The following KMT2C variants were observed in gnomAD, a reference collection of about 807,000 sequenced individuals.
KMT2C encodes histone-lysine N-methyltransferase 2C.
In KMT2C, 88 loss-of-function variants were observed where a neutral mutation model predicts 507.9. The observed-to-expected ratio is 0.17, with a 90% CI of 0.15 to 0.21. The LOEUF (loss-of-function observed/expected upper bound fraction) is 0.21, where lower values mean the gene tolerates loss of function less well. Among genes scored for constraint, KMT2C ranks in the 10% least tolerant of loss-of-function variants. The pLI is 1.00. For missense variants in KMT2C, 4,954 were observed against 5,957.8 expected (o/e 0.83, Z 5.55); for synonymous variants, 2,049 against 2,080.8 (o/e 0.98, Z 0.42).
At chr7:152,285,488 T>C (rs1379575781) in intron 6 of KMT2C, among the ~76,000 whole-genome samples, 2 of 152,270 alleles carry the variant, frequency 1.3e-5, no homozygotes, top group African/African-American at 2.4e-5. Flanking sequence ...AAACAATGGC[T>C]CTCACACATA....
chr7:152,216,067 C>A (rs1321014665), intron 23 of KMT2C, among the ~76,000 whole-genome samples: 3 of 152,160 alleles, frequency 2.0e-5, no homozygotes, highest in Non-Finnish European at 4.4e-5. Context: ...CAGTCTGCCC[C>A]ACCTGCTGGC....
intron 3 of KMT2C, among the ~76,000 whole-genome samples, chr7:152,327,382 A>T (rs1274020012): frequency 6.6e-6 from 1 of 152,210 alleles, no homozygotes; most frequent in Admixed American, 6.5e-5. Flanking sequence ...TGTGTCCTTA[A>T]GATCTGCAGA....
chr7:152,289,549 AACAAACC>A (rs2096370154), intron 6 of KMT2C, among the ~76,000 whole-genome samples: 1 of 152,258 alleles, frequency 6.6e-6, no homozygotes, highest in Non-Finnish European at 1.5e-5. Flanking sequence ...AAGAACAAAT[AACAAACC>A]ACAATTATTA....
At position 152,181,780 on chromosome 7, in the gene KMT2C, G is replaced by A. The variant is rs369042114; in HGVS notation, c.6080C>T (p.Ala2027Val). The A allele has an allele frequency of 2.5e-6, 4 of 1,613,988 alleles. No individual in the cohort carries two copies. Among genetic ancestry groups the A allele is most frequent in the African/African-American group, 1.3e-5 (1 of 74,912 alleles). The change falls in exon 36 of 59, where the codon GCA becomes GTA. Residue 2027 changes from alanine (A) to valine (V), a missense_variant. Physicochemically the swap from Ala to Val is moderately conservative, Grantham distance 64. Transcript: ENST00000262189. ...AGGTGCAGGTGTCAACAAGGGTCGT[G>A]CATATGAGTCAGGTATCCTTTGTCT... The part of the protein sequence containing the change: ...FQRQRIPDSY[A>V]RPLLTPAPLD...
At chr7:152,213,427 C>T (rs2094499968) in intron 23 of KMT2C, among the ~76,000 whole-genome samples, 1 of 152,056 alleles carries the variant, frequency 6.6e-6, no homozygotes, top group Non-Finnish European at 1.5e-5. Flanking sequence ...ATATTATGAG[C>T]TAATTTTTGA....
At chr7:152,158,750 A>G (rs1284680701) in intron 44 of KMT2C, 113 bp downstream of exon 44, 1 of 912,508 alleles carries the variant, frequency 1.1e-6, no homozygotes, top group Non-Finnish European at 1.8e-6. Flanking sequence ...TCATGCCTCA[A>G]GTGATCCACC....
intron 1 of KMT2C, among the ~76,000 whole-genome samples, chr7:152,383,148 G>GTA (rs1453689786): frequency 6.8e-6 from 1 of 147,702 alleles, no homozygotes; most frequent in Non-Finnish European, 1.5e-5. Context: ...GTGTGTGTGT[G>GTA]TGTATGCATG....
intron 6 of KMT2C, among the ~76,000 whole-genome samples, chr7:152,293,415 A>AT (rs2096456144): frequency 6.6e-6 from 1 of 152,240 alleles, no homozygotes. Flanking sequence ...AATTTTTGAA[A>AT]TAAAAACATT....
At chr7:152,158,760 C>G in intron 44 of KMT2C, 103 bp downstream of exon 44, 1 of 1,022,564 alleles carries the variant, frequency 9.8e-7, no homozygotes, top group South Asian at 1.4e-5. Flanking sequence ...AGTGATCCAC[C>G]TGCCTCAGCC....
At chr7:152,318,844 CACTA>C (rs2096746081) in intron 3 of KMT2C, among the ~76,000 whole-genome samples, 1 of 151,992 alleles carries the variant, frequency 6.6e-6, no homozygotes, top group South Asian at 2.1e-4. Context: ...AGATGTTACA[CACTA>C]ACAAAATGAT....
chr7:152,219,001 G>C (rs2094676744), intron 23 of KMT2C, among the ~76,000 whole-genome samples: 1 of 148,394 alleles, frequency 6.7e-6, no homozygotes, highest in South Asian at 2.1e-4. Flanking sequence ...ACAGAGTCTT[G>C]CTCTGTCACC....
chr7:152,290,282 ATATATATATATATTTTTTTTT>A (rs2096398691), intron 6 of KMT2C, among the ~76,000 whole-genome samples: 60 of 32,886 alleles, frequency 1.8e-3, no homozygotes, highest in African/African-American at 7.9e-3. Flanking sequence ...ATATATATAT[ATATATATATATATTTTTTTTT>A]TTTTTTTTTT....
In KMT2C at chr7:152,194,014, T is replaced by C. The variant is rs753232315; in HGVS notation, c.4655A>G (p.Asn1552Ser). ...PPPTQLLPIH[N>S]QDAFSRMPLM... Reference sequence around the variant, plus strand: ...ATTATAAAGTCATAACATACCCTGATTGTGTATTGGCAACAGCTGTGTTGG... The same window carrying C: ...ATTATAAAGTCATAACATACCCTGACTGTGTATTGGCAACAGCTGTGTTGG... Residue 1552 changes from asparagine to serine, a missense_variant, in exon 31 of 59, where the codon AAT becomes AGT. Coordinates refer to ENST00000262189, the MANE Select transcript of KMT2C (RefSeq NM_170606.3). 7.7e-6 allele frequency: 12 copies of C among 1,554,716 alleles called. No individual in the cohort carries two copies. The South Asian group carries it at 1.0e-4, about 13-fold the overall frequency.
chr7:152,197,057 T>C (rs2093983599), intron 27 of KMT2C, among the ~76,000 whole-genome samples: 1 of 152,118 alleles, frequency 6.6e-6, no homozygotes, highest in Admixed American at 6.5e-5. Flanking sequence ...GGGAACATAC[T>C]GGCTGCTATA....
chr7:152,239,395 G>C lies in KMT2C; in HGVS notation c.2533-569C>G, dbSNP rs568999871. On this transcript the variant is annotated intron_variant, in intron 14 of 58. Coordinates refer to ENST00000262189, the MANE Select transcript of KMT2C (RefSeq NM_170606.3). The stretch of plus-strand genomic sequence containing the variant: ...AAATGCAAATACCATTATAATCTAA[G>C]CATTTAATCACTCTTTCTTCAGTGA... 3.9e-5 allele frequency among the ~76,000 whole-genome samples: 6 copies of C among 152,238 alleles called. No homozygotes were observed. The South Asian group carries it at 1.2e-3, about 32-fold the overall frequency.
intron 1 of KMT2C, among the ~76,000 whole-genome samples, chr7:152,389,892 G>A (rs553203001): frequency 3.9e-5 from 6 of 152,254 alleles, no homozygotes; most frequent in East Asian, 3.9e-4. Context: ...CATGTCCTTC[G>A]CAGCAACATG....
Position 152,348,626 on chromosome 7 carries a change from A to G in KMT2C, c.250+9961T>C, listed in dbSNP as rs1263961463. Among the ~76,000 whole-genome samples, 3 of 140,914 alleles carry G rather than the reference A, an allele frequency of 2.1e-5. No individual in the cohort carries two copies. In the East Asian group the frequency reaches 6.3e-4, roughly 29 times the overall value. The allele number at this position is 140,914 out of a possible 152,430, so 92.4% of individuals were successfully genotyped here. A position where few individuals can be genotyped will look rare whatever the true frequency, so the allele number is the denominator to read the frequency against. The stretch of plus-strand genomic sequence containing the variant: ...AAAAAAAAAAAAAAAAAAAAAAAAG[A>G]AAGAAAGAAAGAAAAAAAGCATAGG... On this transcript the variant is annotated intron_variant, in intron 2 of 58. Transcript: ENST00000262189.
In KMT2C at chr7:152,136,436, C is replaced by A; in HGVS notation, c.*396G>T. Reference sequence around the variant, plus strand: ...TTTCAGTCTTACATTCATAGGAAGGCCCCTGCCCGGGGCAGGGCAGCCATC... The same window carrying A: ...TTTCAGTCTTACATTCATAGGAAGGACCCTGCCCGGGGCAGGGCAGCCATC... On this transcript the variant is annotated 3_prime_UTR_variant, in exon 59 of 59. Coordinates refer to ENST00000262189, the MANE Select transcript of KMT2C (RefSeq NM_170606.3). The A allele has an allele frequency of 4.1e-6, 1 of 245,264 alleles. No homozygotes were observed. Among genetic ancestry groups the A allele is most frequent in the Admixed American group, 5.2e-5 (1 of 19,096 alleles). 15.2% of individuals were successfully genotyped at this position (245,264 alleles called of 1,614,324 possible). A position where few individuals can be genotyped will look rare whatever the true frequency, so the allele number is the denominator to read the frequency against.
intron 6 of KMT2C, among the ~76,000 whole-genome samples, chr7:152,286,841 A>G (rs1174381527): frequency 1.3e-5 from 2 of 152,242 alleles, no homozygotes; most frequent in Non-Finnish European, 2.9e-5. Context: ...CAGAAACACC[A>G]ACAGGCACAC....
Sources: gnomAD v4.1 joint callset for allele counts (sites outside exome capture counted in the v4.1 genomes callset) on GRCh38, gnomAD v4.1.1 for gene constraint, MANE v1.5 for transcripts, NCBI Gene and HGNC (gene_info 2026-07-23, HGNC 2026-07-21) for gene names.